Variants in GPC5 observed in about 807,000 individuals in gnomAD.
GPC5 encodes glypican-5.
Under a neutral mutation model 53.9 loss-of-function variants are expected in GPC5, and 47 were observed. That is an observed-to-expected ratio of 0.87 (90% CI 0.69 to 1.11). GPC5 has a LOEUF of 1.11. Ranked by LOEUF, GPC5 falls within the 50% of genes most tolerant of loss-of-function variation. The pLI is 0.00. For synonymous variants in GPC5, 286 were observed against 263.3 expected (o/e 1.09, Z -0.84); for missense variants, 748 against 713.1 (o/e 1.05, Z -0.56).
chr13:92,012,096 A>G (rs1306827510), intron 6 of GPC5, among the ~76,000 whole-genome samples: 1 of 152,220 alleles, frequency 6.6e-6, no homozygotes, highest in African/African-American at 2.4e-5. Context: ...TATTATATGA[A>G]GCTCTAATAA....
At chr13:92,260,627 C>T (rs1482918874) in intron 7 of GPC5, among the ~76,000 whole-genome samples, 8 of 152,234 alleles carry the variant, frequency 5.3e-5, no homozygotes, top group Admixed American at 1.3e-4. Flanking sequence ...CAACTCCCCA[C>T]GGAGATTTCA....
intron 5 of GPC5, among the ~76,000 whole-genome samples, chr13:91,788,174 T>G (rs1594564537): frequency 6.6e-6 from 1 of 152,228 alleles, no homozygotes; most frequent in Non-Finnish European, 1.5e-5. Context: ...AAGAACAAGG[T>G]GCTGACATGT....
intron 7 of GPC5, among the ~76,000 whole-genome samples, chr13:92,499,830 T>C (rs1318199602): frequency 6.6e-6 from 1 of 152,174 alleles, no homozygotes; most frequent in Non-Finnish European, 1.5e-5. Flanking sequence ...TAAGTCTTCA[T>C]TGAAAAATGG....
At chr13:92,548,891 A>AT (rs2139013054) in intron 7 of GPC5, among the ~76,000 whole-genome samples, 1 of 152,216 alleles carries the variant, frequency 6.6e-6, no homozygotes, top group African/African-American at 2.4e-5. Flanking sequence ...AAATACATAT[A>AT]TCTAACATGT....
chr13:91,828,696 G>A (rs1289320742), intron 5 of GPC5, among the ~76,000 whole-genome samples: 1 of 151,960 alleles, frequency 6.6e-6, no homozygotes, highest in Non-Finnish European at 1.5e-5. Context: ...AGCTCCAAAT[G>A]TACACACCTG....
chr13:92,744,947 T>C (rs1192343148), intron 7 of GPC5, among the ~76,000 whole-genome samples: 4 of 152,096 alleles, frequency 2.6e-5, no homozygotes, highest in Non-Finnish European at 5.9e-5. Flanking sequence ...TGCCTCATTT[T>C]GTACTGCAAG....
At chr13:92,376,122 C>A (rs962474118) in intron 7 of GPC5, among the ~76,000 whole-genome samples, 1 of 152,100 alleles carries the variant, frequency 6.6e-6, no homozygotes, top group African/African-American at 2.4e-5. Context: ...TGGTGCCAGC[C>A]GGGCTCTGTC....
chr13:91,420,536 C>T (rs531766229), intron 1 of GPC5, among the ~76,000 whole-genome samples: 1 of 152,094 alleles, frequency 6.6e-6, no homozygotes, highest in African/African-American at 2.4e-5. Flanking sequence ...TTCCTTTCTG[C>T]GATTATTTTT....
chr13:92,457,026 T>C (rs892553597), intron 7 of GPC5, among the ~76,000 whole-genome samples: 5 of 151,904 alleles, frequency 3.3e-5, no homozygotes, highest in African/African-American at 1.2e-4. Flanking sequence ...AGTTGTCCTC[T>C]GTGTCTGTTG....
intron 1 of GPC5, among the ~76,000 whole-genome samples, chr13:91,442,194 G>GA (rs1239853390): frequency 2.6e-5 from 4 of 152,128 alleles, no homozygotes; most frequent in African/African-American, 9.7e-5. Context: ...TTGAAAACTT[G>GA]AACTTTTGTC....
intron 6 of GPC5, among the ~76,000 whole-genome samples, chr13:91,983,971 T>C (rs2040384329): frequency 6.6e-6 from 1 of 152,240 alleles, no homozygotes; most frequent in African/African-American, 2.4e-5. Context: ...CCAATTTGGC[T>C]TCATCAGCAC....
chr13:92,173,007 T>C (rs2042081801), intron 7 of GPC5, among the ~76,000 whole-genome samples: 1 of 101,776 alleles, frequency 9.8e-6, no homozygotes, highest in African/African-American at 2.9e-5. Context: ...GAGCAACTCT[T>C]AAGTCTTATT....
rs186872927 is a variant in GPC5, at chr13:92,730,565, G to A, written c.1562-135717G>A. 2.8e-3 allele frequency among the ~76,000 whole-genome samples: 418 copies of A among 151,266 alleles called. 19 individuals carry two copies. Among genetic ancestry groups the A allele is most frequent in the Admixed American group, 0.027 (413 of 15,096 alleles). On this transcript the variant is annotated intron_variant, in intron 7 of 7. Transcript: ENST00000377067. Reference sequence around the variant, plus strand: ...TTTTGAATTAATCTTCGTGAAAAATGTAAGATCTGTGTCCAGACTTGCTTT... The same window carrying A: ...TTTTGAATTAATCTTCGTGAAAAATATAAGATCTGTGTCCAGACTTGCTTT...
intron 2 of GPC5, among the ~76,000 whole-genome samples, chr13:91,471,646 C>T (rs529946988): frequency 6.6e-6 from 1 of 152,250 alleles, no homozygotes; most frequent in Admixed American, 6.5e-5. Flanking sequence ...TGTTCTCTTC[C>T]TCATCTTCAA....
At chr13:92,160,700 C>G (rs568241796) in intron 7 of GPC5, among the ~76,000 whole-genome samples, 2 of 152,290 alleles carry the variant, frequency 1.3e-5, no homozygotes, top group Non-Finnish European at 2.9e-5. Context: ...TGAAGACTGA[C>G]TGACTAACTG....
At chr13:91,736,366 A>G (rs2036815305) in intron 4 of GPC5, among the ~76,000 whole-genome samples, 1 of 151,448 alleles carries the variant, frequency 6.6e-6, no homozygotes, top group Non-Finnish European at 1.5e-5. Context: ...AAGTTCTTCT[A>G]ATTAAAAAGT....
chr13:91,956,740 T>G (rs527417714), intron 6 of GPC5, among the ~76,000 whole-genome samples: 6 of 152,296 alleles, frequency 3.9e-5, no homozygotes, highest in African/African-American at 1.4e-4. Flanking sequence ...ATATGGAAAC[T>G]ACACTAATGT....
chr13:91,715,451 G>A (rs924639392), intron 3 of GPC5, among the ~76,000 whole-genome samples: 1 of 152,126 alleles, frequency 6.6e-6, no homozygotes, highest in African/African-American at 2.4e-5. Context: ...ATCTGTCGTG[G>A]AGAAGTATAG....
intron 7 of GPC5, among the ~76,000 whole-genome samples, chr13:92,479,191 A>G (rs541235281): frequency 6.6e-6 from 1 of 152,292 alleles, no homozygotes; most frequent in South Asian, 2.1e-4. Flanking sequence ...GGTTTAACAT[A>G]CTTCATCTGT....
Sources: gnomAD v4.1 joint callset for allele counts (sites outside exome capture counted in the v4.1 genomes callset) on GRCh38, gnomAD v4.1.1 for gene constraint, MANE v1.5 for transcripts, NCBI Gene and HGNC (gene_info 2026-07-23, HGNC 2026-07-21) for gene names.